Variants in AGGF1 observed in about 807,000 individuals in gnomAD.
AGGF1 encodes angiogenic factor with G patch and FHA domains 1.
AGGF1 carries 56 observed loss-of-function variants against 86.5 expected under a neutral mutation model. The observed-to-expected ratio is 0.65, with a 90% CI of 0.52 to 0.81. The LOEUF (loss-of-function observed/expected upper bound fraction) is 0.81. Among genes scored for constraint, AGGF1 ranks in the 30% least tolerant of loss-of-function variants. AGGF1 has a pLI of 0.00. For synonymous variants in AGGF1, 313 were observed against 297.1 expected, an observed-to-expected ratio of 1.05 and a Z score of -0.55; for missense variants, 816 against 850.9, an observed-to-expected ratio of 0.96 and a Z score of 0.51.
chr5:77,039,688 A>T lies in AGGF1; in HGVS notation c.839A>T (p.Asp280Val), dbSNP rs746475871. 2 of 1,612,432 alleles carry T rather than the reference A, an allele frequency of 1.2e-6. No homozygotes were observed. Among genetic ancestry groups the T allele is most frequent in the Admixed American group, 1.7e-5 (1 of 59,874 alleles). The change falls in exon 5 of 14, where the codon GAT becomes GTT. Residue 280 changes from aspartate (D) to valine (V), a missense_variant. Asp to Val is a radical substitution (Grantham distance 152). Around this residue, in one of 3 missense-constraint regions of AGGF1, gnomAD observed 565 missense variants for 585.8 expected, o/e 0.96. Transcript: ENST00000312916. ...AAAAAATTGAAGAAGAAAAGAAAAG[A>T]TCCAGATTCTTCTGCAACAAATGAG... ...KDKKLKKKRKDPDSSATNEEK... is the reference protein window; with the variant it reads ...KDKKLKKKRKVPDSSATNEEK...
Position 77,035,689 on chromosome 5 carries a change from T to C in AGGF1, c.462T>C (p.Asp154=). The C allele has an allele frequency of 6.2e-7, 1 of 1,613,674 alleles. No homozygotes were observed. Among genetic ancestry groups the C allele is most frequent in the Non-Finnish European group, 8.5e-7 (1 of 1,179,746 alleles). Residue 154 remains aspartate, a synonymous_variant, in exon 3 of 14, where the codon GAT becomes GAC. Transcript: ENST00000312916. ...AAAATGATGCTTACCCTGGTACCGA[T>C]AGAACAGAAAATGTTAAATATAGAC... ...QVENDAYPGT[D]RTENVKYRQV...
At chr5:77,042,291 T>A (rs1465333299) in intron 5 of AGGF1, among the ~76,000 whole-genome samples, 3 of 148,018 alleles carry the variant, frequency 2.0e-5, no homozygotes, top group Admixed American at 6.8e-5. Context: ...AAAGCCGCCA[T>A]TGTCATCCTG....
At chr5:77,062,401 T>C (rs1261202678) in intron 13 of AGGF1, among the ~76,000 whole-genome samples, 1 of 152,166 alleles carries the variant, frequency 6.6e-6, no homozygotes, top group Non-Finnish European at 1.5e-5. Context: ...TGAGGTACAG[T>C]GGAAAGAACA....
At chr5:77,042,253 C>T (rs868786224) in intron 5 of AGGF1, among the ~76,000 whole-genome samples, 2,245 of 150,670 alleles carry the variant, frequency 0.015, 18 homozygotes, top group African/African-American at 0.051. Context: ...TCAATCTTTT[C>T]CCCACCTTTC....
At chr5:77,052,201 A>G (rs1015167100) in intron 8 of AGGF1, among the ~76,000 whole-genome samples, 6 of 152,078 alleles carry the variant, frequency 3.9e-5, no homozygotes, top group Non-Finnish European at 8.8e-5. Context: ...AAAATTACAA[A>G]AATTAACCAG....
intron 5 of AGGF1, among the ~76,000 whole-genome samples, chr5:77,042,651 A>T (rs868382537): frequency 1.5e-4 from 3 of 20,224 alleles, no homozygotes; most frequent in East Asian, 3.3e-3. Flanking sequence ...CCCCACCTCC[A>T]TCCCGGACGG....
In AGGF1 at chr5:77,065,216, T is replaced by C. The variant is rs1742778599; in HGVS notation, c.*1964T>C. On this transcript the variant is annotated 3_prime_UTR_variant, in exon 14 of 14. Transcript: ENST00000312916. ...ATACAGTTTGAATTTTGCATAAATT[T>C]TTTGTGTCTAATTTTAAATATTTGT... 1 of 152,216 alleles carries C rather than the reference T, an allele frequency of 6.6e-6. No individual in the cohort carries two copies. The highest frequency in any genetic ancestry group is 6.5e-5 in the Admixed American group (1 of 15,276). The allele number at this position is 152,216 out of a possible 1,614,324, so 9.4% of individuals were successfully genotyped here.
intron 8 of AGGF1, among the ~76,000 whole-genome samples, chr5:77,051,200 A>G (rs751694819): frequency 6.6e-6 from 1 of 152,000 alleles, no homozygotes; most frequent in Non-Finnish European, 1.5e-5. Context: ...TTGGGAGGCT[A>G]AGGTAGGCAG....
At chr5:77,051,795 C>T (rs531752379) in intron 8 of AGGF1, among the ~76,000 whole-genome samples, 107 of 151,934 alleles carry the variant, frequency 7.0e-4, no homozygotes, top group Non-Finnish European at 1.2e-3. Context: ...GGAAAAAAAC[C>T]CTGAATGTCT....
chr5:77,031,354 A>G (rs1440569664), intron 1 of AGGF1, among the ~76,000 whole-genome samples: 1 of 152,156 alleles, frequency 6.6e-6, no homozygotes, highest in African/African-American at 2.4e-5. Flanking sequence ...GTGAACTTAT[A>G]TACCGAGTCT....
chr5:77,038,557 G>C (rs1413633969), intron 4 of AGGF1, among the ~76,000 whole-genome samples: 2 of 152,128 alleles, frequency 1.3e-5, no homozygotes, highest in African/African-American at 4.8e-5. Flanking sequence ...TAGAAATAAA[G>C]ATTGGAAAGC....
chr5:77,063,330 C>A lies in AGGF1; in HGVS notation c.*78C>A. ...ACTTATTTTTTCTCCCCAAAAGAAT[C>A]AGCAGCACAGGGGAACTATGTCACA... is the stretch of plus-strand genomic sequence containing the variant. On this transcript the variant is annotated 3_prime_UTR_variant, in exon 14 of 14. Coordinates refer to ENST00000312916, the MANE Select transcript of AGGF1 (RefSeq NM_018046.5). 1 of 1,345,502 alleles carries A rather than the reference C, an allele frequency of 7.4e-7. No homozygotes were observed. The highest frequency in any genetic ancestry group is 1.0e-6 in the Non-Finnish European group (1 of 961,964). The allele number at this position is 1,345,502 out of a possible 1,614,324, so 83.3% of individuals were successfully genotyped here. A position where few individuals can be genotyped will look rare whatever the true frequency, so the allele number is the denominator to read the frequency against.
intron 5 of AGGF1, 133 bp from the exon 6 acceptor site, chr5:77,046,214 A>T: frequency 1.2e-6 from 1 of 821,724 alleles, no homozygotes; most frequent in Non-Finnish European, 2.1e-6. Flanking sequence ...GGAGAGGGGG[A>T]ACAGATTGTA....
intron 3 of AGGF1, 83 bp downstream of exon 3, chr5:77,035,826 T>G: frequency 4.9e-6 from 6 of 1,222,428 alleles, no homozygotes; most frequent in Non-Finnish European, 7.2e-6. Context: ...ATAGACTTCT[T>G]TGGTCCGTCA....
chr5:77,038,158 G>C (rs1746999467), intron 4 of AGGF1, among the ~76,000 whole-genome samples: 1 of 152,142 alleles, frequency 6.6e-6, no homozygotes, highest in Non-Finnish European at 1.5e-5. Flanking sequence ...ATCTGCATAT[G>C]GTAAACTGTA....
Position 77,036,654 on chromosome 5 carries a change from T to A in AGGF1, c.615T>A (p.Thr205=). The A allele has an allele frequency of 1.9e-6, 3 of 1,613,744 alleles. No homozygotes were observed. Among genetic ancestry groups the A allele is most frequent in the East Asian group, 4.5e-5 (2 of 44,884 alleles). The change falls in exon 4 of 14, where the codon ACT becomes ACA. Residue 205 remains threonine (T), a synonymous_variant. Transcript: ENST00000312916. ...RAAAEAAVSQ[T]GFSYDENTGL... ...CAGCAGAAGCGGCTGTATCACAGAC[T>A]GGATTTAGTTATGATGAAAATACTG...
intron 11 of AGGF1, among the ~76,000 whole-genome samples, chr5:77,056,577 C>G (rs1381364149): frequency 1.3e-5 from 2 of 148,460 alleles, no homozygotes; most frequent in Admixed American, 6.7e-5. Context: ...GATGGCCTTA[C>G]CAAAAAAAAA....
intron 8 of AGGF1, among the ~76,000 whole-genome samples, chr5:77,050,820 A>G (rs945141700): frequency 3.3e-5 from 5 of 152,204 alleles, no homozygotes; most frequent in Non-Finnish European, 7.3e-5. Context: ...TATGTTTTCA[A>G]ACTCCACTGT....
intron 11 of AGGF1, among the ~76,000 whole-genome samples, chr5:77,058,151 C>A (rs906312046): frequency 5.9e-5 from 9 of 152,116 alleles, no homozygotes; most frequent in Non-Finnish European, 1.0e-4. Flanking sequence ...GTCCATAAAT[C>A]CCAAAAGCAT....
Sources: gnomAD v4.1 joint callset for allele counts (sites outside exome capture counted in the v4.1 genomes callset) on GRCh38, gnomAD v4.1.1 for gene constraint, gnomAD v4.1.1 regional missense constraint, MANE v1.5 for transcripts, NCBI Gene and HGNC (gene_info 2026-07-23, HGNC 2026-07-21) for gene names.